SLC2A9: variants seen among roughly 807,000 people sequenced by gnomAD.
The protein encoded by SLC2A9 is solute carrier family 2, facilitated glucose transporter member 9.
In SLC2A9, 39 loss-of-function variants were observed where a neutral mutation model predicts 50.6. That is an observed-to-expected ratio of 0.77 (90% CI 0.60 to 1.01). The LOEUF (loss-of-function observed/expected upper bound fraction) is 1.01, where lower values mean the gene tolerates loss of function less well. Among genes scored for constraint, SLC2A9 ranks in the 50% least tolerant of loss-of-function variants. SLC2A9 has a pLI of 0.00. For synonymous variants in SLC2A9, 324 were observed against 276.9 expected, an observed-to-expected ratio of 1.17 and a Z score of -1.69; for missense variants, 686 against 677.6, an observed-to-expected ratio of 1.01 and a Z score of -0.14.
intron 10 of SLC2A9, among the ~76,000 whole-genome samples, chr4:9,845,628 C>A (rs1435141328): frequency 6.6e-6 from 1 of 150,972 alleles, no homozygotes; most frequent in Admixed American, 6.6e-5. Flanking sequence ...GACGGGGTTT[C>A]ACCGTGTTAG....
chr4:10,039,473 C>T (rs368270254), intron 1 of SLC2A9, among the ~76,000 whole-genome samples: 1 of 152,222 alleles, frequency 6.6e-6, no homozygotes, highest in Non-Finnish European at 1.5e-5. Flanking sequence ...CCCACCTCCT[C>T]GTCCTCCGCT....
intron 5 of SLC2A9, among the ~76,000 whole-genome samples, chr4:9,950,381 C>A (rs141292351): frequency 3.3e-5 from 5 of 152,234 alleles, no homozygotes; most frequent in African/African-American, 9.6e-5. Flanking sequence ...CACATAGAGC[C>A]CCCCCATGGG....
chr4:9,959,722 C>A (rs561690864), intron 5 of SLC2A9, among the ~76,000 whole-genome samples: 12 of 152,240 alleles, frequency 7.9e-5, no homozygotes, highest in African/African-American at 2.2e-4. Flanking sequence ...AATATGAATA[C>A]TTTTCCTTTG....
intron 3 of SLC2A9, among the ~76,000 whole-genome samples, chr4:9,814,018 T>TA (rs1161583202): frequency 1.6e-4 from 24 of 152,214 alleles, no homozygotes; most frequent in African/African-American, 5.8e-4. Context: ...CACATGCCTG[T>TA]AATCTCAACT....
intron 3 of SLC2A9, among the ~76,000 whole-genome samples, chr4:9,805,687 GT>G (rs58280694): frequency 0.45 from 52,907 of 117,540 alleles, 11,262 homozygotes; most frequent in Non-Finnish European, 0.54. Context: ...CAGGGTGTCA[GT>G]TTTTTTTTTT....
intron 1 of SLC2A9, among the ~76,000 whole-genome samples, chr4:10,030,940 CTAAAACTAAGAAGT>C (rs60915943): frequency 0.44 from 66,189 of 151,824 alleles, 16,014 homozygotes; most frequent in South Asian, 0.59. Flanking sequence ...GCTGAGTCTT[CTAAAACTAAGAAGT>C]TAGCTGCAGA....
At chr4:9,772,705 C>T (rs189350135) in intron 1 of SLC2A9, among the ~76,000 whole-genome samples, 1 of 151,902 alleles carries the variant, frequency 6.6e-6, no homozygotes, top group Non-Finnish European at 1.5e-5. Flanking sequence ...TGTTATGTAG[C>T]ATTGCTGTAA....
intron 5 of SLC2A9, among the ~76,000 whole-genome samples, chr4:9,950,116 C>T (rs908433105): frequency 3.9e-5 from 6 of 152,186 alleles, no homozygotes; most frequent in African/African-American, 1.2e-4. Flanking sequence ...ACACCTGACC[C>T]CACAGAGTAC....
intron 10 of SLC2A9, among the ~76,000 whole-genome samples, chr4:9,844,390 T>C (rs146973073): frequency 1.2e-4 from 19 of 152,306 alleles, no homozygotes; most frequent in African/African-American, 4.6e-4. Flanking sequence ...ATTTAAAAAA[T>C]TCTGTAGATA....
At chr4:9,808,080 G>T (rs889344458) in intron 3 of SLC2A9, among the ~76,000 whole-genome samples, 3 of 152,222 alleles carry the variant, frequency 2.0e-5, no homozygotes, top group Non-Finnish European at 1.5e-5. Context: ...GGGCTGGGTG[G>T]CTGGCTCCAC....
intron 3 of SLC2A9, among the ~76,000 whole-genome samples, chr4:9,993,041 G>C (rs1757986766): frequency 6.6e-6 from 1 of 152,228 alleles, no homozygotes; most frequent in Non-Finnish European, 1.5e-5. Context: ...CTTTGCCCAA[G>C]CATCACCTTA....
At chr4:9,850,778 C>A (rs1480830210) in intron 10 of SLC2A9, among the ~76,000 whole-genome samples, 1 of 152,154 alleles carries the variant, frequency 6.6e-6, no homozygotes, top group Non-Finnish European at 1.5e-5. Context: ...TCTCTTCCAG[C>A]ACATGTGTGT....
At chr4:9,806,996 T>C (rs1011517079) in intron 3 of SLC2A9, among the ~76,000 whole-genome samples, 6 of 152,230 alleles carry the variant, frequency 3.9e-5, no homozygotes, top group Admixed American at 3.9e-4. Context: ...TCCAGCTGAC[T>C]GACACCTGCC....
chr4:9,960,245 G>A (rs555681739), intron 5 of SLC2A9, among the ~76,000 whole-genome samples: 16 of 152,268 alleles, frequency 1.1e-4, no homozygotes, highest in South Asian at 2.1e-4. Flanking sequence ...CTCAGGCTCC[G>A]CTAAAACTGC....
At chr4:9,868,240 GC>G (rs1257131360) in intron 10 of SLC2A9, among the ~76,000 whole-genome samples, 6 of 152,356 alleles carry the variant, frequency 3.9e-5, no homozygotes, top group Admixed American at 3.3e-4. Flanking sequence ...CTCTGATGGG[GC>G]CATGCCCAGA....
chr4:10,021,604 A>G (rs28496610), upstream of SLC2A9: 6,966 of 893,286 alleles, frequency 7.8e-3, 171 homozygotes, highest in African/African-American at 0.069. Context: ...CTCTGCTCCT[A>G]AGTTATTACA....
At chr4:9,790,564 G>T (rs1187809619) in intron 3 of SLC2A9, among the ~76,000 whole-genome samples, 1 of 152,176 alleles carries the variant, frequency 6.6e-6, no homozygotes, top group East Asian at 1.9e-4. Flanking sequence ...ATGACATGGA[G>T]GGGCCTGGTT....
At chr4:9,891,684 C>T (rs1400188576) in intron 8 of SLC2A9, among the ~76,000 whole-genome samples, 1 of 152,160 alleles carries the variant, frequency 6.6e-6, no homozygotes, top group Non-Finnish European at 1.5e-5. Context: ...TGAGAGAGGG[C>T]CAGAAATTGA....
intron 3 of SLC2A9, among the ~76,000 whole-genome samples, chr4:9,814,269 G>C (rs922236884): frequency 7.2e-5 from 11 of 152,250 alleles, no homozygotes; most frequent in Non-Finnish European, 1.5e-4. Context: ...TCAACTTCTT[G>C]AAGGTAGGTA....
Sources: gnomAD v4.1 joint callset for allele counts (sites outside exome capture counted in the v4.1 genomes callset) on GRCh38, gnomAD v4.1.1 for gene constraint, MANE v1.5 for transcripts, NCBI Gene and HGNC (gene_info 2026-07-23, HGNC 2026-07-21) for gene names.